GNG2: variants seen among roughly 807,000 people sequenced by gnomAD.
GNG2 encodes G protein subunit gamma 2.
GNG2 carries 5 observed loss-of-function variants against 5.5 expected under a neutral mutation model. The ratio of observed to expected loss-of-function variants is 0.91; its 90% CI spans 0.48 to 1.92. The LOEUF (loss-of-function observed/expected upper bound fraction) is 1.92. Among genes scored for constraint, GNG2 ranks in the 30% most tolerant of loss-of-function variants. The pLI is 0.01. For synonymous variants in GNG2, 28 were observed against 32.0 expected, an observed-to-expected ratio of 0.88 and a Z score of 0.42; for missense variants, 55 against 88.4, an observed-to-expected ratio of 0.62 and a Z score of 1.52.
At chr14:51,834,208 CAG>C (rs1881273871) in intron 2 of GNG2, among the ~76,000 whole-genome samples, 2 of 152,192 alleles carry the variant, frequency 1.3e-5, no homozygotes, top group Admixed American at 1.3e-4. Flanking sequence ...GGAATTGTCT[CAG>C]AGGATTCCTG....
rs1890057325 is a variant in GNG2 at position 51,968,648 on chromosome 14, A to C, written c.*1961A>C. On this transcript the variant is annotated 3_prime_UTR_variant, in exon 4 of 4. Transcript: ENST00000556766. ...CCATGAAGATTTAGGGGTGAAAAAA[A>C]CAGCAGAGTATTTATTAAACTACAG... 6.6e-6 allele frequency: 1 copy of C among 152,208 alleles called. No individual in the cohort carries two copies. The highest frequency in any genetic ancestry group is 1.5e-5 in the Non-Finnish European group (1 of 68,044). The allele number at this position is 152,208 out of a possible 1,614,324, so 9.4% of individuals were successfully genotyped here. A position where few individuals can be genotyped will look rare whatever the true frequency, so the allele number is the denominator to read the frequency against.
upstream of GNG2, among the ~76,000 whole-genome samples, chr14:51,860,076 G>C (rs1457147420): frequency 6.6e-6 from 1 of 152,094 alleles, no homozygotes; most frequent in Non-Finnish European, 1.5e-5. Context: ...TGGCCACAGA[G>C]AAAAATGCTG....
intron 1 of GNG2, among the ~76,000 whole-genome samples, chr14:51,862,271 A>G (rs1270693340): frequency 5.3e-5 from 8 of 152,240 alleles, no homozygotes; most frequent in African/African-American, 7.2e-5. Flanking sequence ...GAGACAAAGT[A>G]CTGCTAGTAT....
chr14:51,885,435 T>C (rs1884381842), intron 2 of GNG2, among the ~76,000 whole-genome samples: 1 of 152,188 alleles, frequency 6.6e-6, no homozygotes, highest in African/African-American at 2.4e-5. Flanking sequence ...AAATGAAAGC[T>C]GCCAGGGTCC....
chr14:51,900,357 C>T (rs11157865), intron 2 of GNG2, among the ~76,000 whole-genome samples: 73,680 of 151,506 alleles, frequency 0.49, 18,736 homozygotes, highest in African/African-American at 0.63. Context: ...GATTAACTCA[C>T]TGAAGGAAAC....
At chr14:51,925,069 G>A (rs934569108) in intron 2 of GNG2, among the ~76,000 whole-genome samples, 2 of 152,152 alleles carry the variant, frequency 1.3e-5, no homozygotes, top group African/African-American at 2.4e-5. Flanking sequence ...GGTAACTAAA[G>A]TTCACAATGA....
At chr14:51,944,715 G>A (rs1175697426) in intron 2 of GNG2, among the ~76,000 whole-genome samples, 2 of 152,078 alleles carry the variant, frequency 1.3e-5, no homozygotes, top group African/African-American at 2.4e-5. Flanking sequence ...AAAACATAGG[G>A]CAAAAGCTTC....
In GNG2 at chr14:51,950,724, G is replaced by C; in HGVS notation, c.46G>C (p.Val16Leu). The change falls in exon 3 of 4, where the codon GTA becomes CTA. Residue 16 changes from valine to leucine, a missense_variant. Transcript: ENST00000556766. ...CAGCATAGCACAAGCCAGGAAGCTG[G>C]TAGAGCAGCTTAAGATGGAAGCCAA... ...TASIAQARKLVEQLKMEANID... is the reference protein window; with the variant it reads ...TASIAQARKLLEQLKMEANID... 6.2e-7 allele frequency: 1 copy of C among 1,612,020 alleles called. No individual in the cohort carries two copies. The highest frequency in any genetic ancestry group is 8.5e-7 in the Non-Finnish European group (1 of 1,179,166).
intron 2 of GNG2, among the ~76,000 whole-genome samples, chr14:51,885,031 C>A (rs1884351459): frequency 6.6e-6 from 1 of 151,922 alleles, no homozygotes. Context: ...AGAGGGGAGG[C>A]GGAGAGAGTC....
At chr14:51,903,601 C>G (rs1885705818) in intron 2 of GNG2, among the ~76,000 whole-genome samples, 1 of 152,214 alleles carries the variant, frequency 6.6e-6, no homozygotes, top group South Asian at 2.1e-4. Flanking sequence ...GCAGTGAACA[C>G]ACACAGTTCC....
intron 2 of GNG2, chr14:51,841,385 T>C (rs912230268): frequency 2.3e-5 from 12 of 519,136 alleles, no homozygotes; most frequent in African/African-American, 2.3e-4. Context: ...AACCCTATGT[T>C]TAGAGGCTGC....
chr14:51,961,163 A>C (rs1889591517), intron 3 of GNG2, among the ~76,000 whole-genome samples: 1 of 152,116 alleles, frequency 6.6e-6, no homozygotes, highest in Non-Finnish European at 1.5e-5. Flanking sequence ...AAAAGTTAAA[A>C]ATTATTTCTT....
chr14:51,880,729 A>C (rs1156522410), intron 2 of GNG2, among the ~76,000 whole-genome samples: 1 of 152,124 alleles, frequency 6.6e-6, no homozygotes, highest in Non-Finnish European at 1.5e-5. Context: ...TCGGTGCTAA[A>C]ACTGGGAGAA....
intron 2 of GNG2, among the ~76,000 whole-genome samples, chr14:51,943,830 G>T (rs1888489947): frequency 6.6e-6 from 1 of 152,150 alleles, no homozygotes; most frequent in Non-Finnish European, 1.5e-5. Flanking sequence ...CATGTTCATG[G>T]ATTAGAAGAC....
chr14:51,877,535 A>G (rs1883755482), intron 1 of GNG2, 82 bp from the exon 2 acceptor site: 2 of 440,888 alleles, frequency 4.5e-6, no homozygotes, highest in Non-Finnish European at 9.1e-6. Context: ...CAGAAACTTC[A>G]TTCATTCTAC....
intron 1 of GNG2, among the ~76,000 whole-genome samples, chr14:51,876,275 A>G (rs1883657943): frequency 1.3e-5 from 2 of 152,004 alleles, no homozygotes; most frequent in African/African-American, 4.8e-5. Context: ...TTAAAATTTT[A>G]TCATGTGGAG....
chr14:51,897,072 T>A (rs187500903), intron 2 of GNG2, among the ~76,000 whole-genome samples: 1 of 152,310 alleles, frequency 6.6e-6, no homozygotes. Flanking sequence ...TAGATGCCAG[T>A]CTCTTTGGGT....
intron 2 of GNG2, among the ~76,000 whole-genome samples, chr14:51,846,141 G>A (rs1334579729): frequency 6.6e-6 from 1 of 152,176 alleles, no homozygotes; most frequent in Non-Finnish European, 1.5e-5. Flanking sequence ...AAGGCAGAAA[G>A]GTGGATATTG....
chr14:51,903,310 T>A (rs1476213806), intron 2 of GNG2, among the ~76,000 whole-genome samples: 2 of 152,164 alleles, frequency 1.3e-5, no homozygotes, highest in African/African-American at 2.4e-5. Context: ...GAAAACAAGG[T>A]TATATGTTGA....
Sources: gnomAD v4.1 joint callset for allele counts (sites outside exome capture counted in the v4.1 genomes callset) on GRCh38, gnomAD v4.1.1 for gene constraint, MANE v1.5 for transcripts, NCBI Gene and HGNC (gene_info 2026-07-23, HGNC 2026-07-21) for gene names.